The following MOK variants were observed in gnomAD, a reference collection of about 807,000 sequenced individuals.
The protein encoded by MOK is MOK protein kinase, also known as MAPK/MAK/MRK overlapping kinase.
Under a neutral mutation model 54.2 loss-of-function variants are expected in MOK, and 59 were observed. That is an observed-to-expected ratio of 1.09 (90% confidence interval 0.88 to 1.35). The LOEUF is 1.35. Ranked by LOEUF, MOK falls within the 40% of genes most tolerant of loss-of-function variation. The pLI is 0.00. For synonymous variants in MOK, 210 were observed against 202.7 expected, an observed-to-expected ratio of 1.04 and a Z score of -0.31; for missense variants, 517 against 526.2, an observed-to-expected ratio of 0.98 and a Z score of 0.17.
At chr14:102,258,097 G>A (rs1176276327) in intron 4 of MOK, among the ~76,000 whole-genome samples, 1 of 152,004 alleles carries the variant, frequency 6.6e-6, no homozygotes, top group Admixed American at 6.6e-5. Flanking sequence ...AAAAATTCTG[G>A]TCTGCAATAT....
At chr14:102,216,923 ACT>A in the MOK span, among the ~76,000 whole-genome samples, 18 of 151,996 alleles carry the variant, frequency 1.2e-4, no homozygotes, top group African/African-American at 3.9e-4. Context: ...ACAGAGCGAG[ACT>A]CTGTCTTAAA....
At chr14:102,290,523 C>A (rs944911513) in intron 1 of MOK, among the ~76,000 whole-genome samples, 1 of 151,986 alleles carries the variant, frequency 6.6e-6, no homozygotes, top group African/African-American at 2.4e-5. Context: ...ATTAACCATT[C>A]AATTTGTGTA....
chr14:102,298,655 T>C (rs1038209767), intron 1 of MOK, among the ~76,000 whole-genome samples: 4 of 152,190 alleles, frequency 2.6e-5, no homozygotes, highest in South Asian at 2.1e-4. Flanking sequence ...ATCAGCAGGA[T>C]GTGGGTGGTG....
chr14:102,302,231 CCTGA>C (rs1323568458), intron 1 of MOK, among the ~76,000 whole-genome samples: 2 of 149,200 alleles, frequency 1.3e-5, no homozygotes, highest in Admixed American at 6.8e-5. Context: ...TGCCACCACG[CCTGA>C]CTAATTTTTG....
chr14:102,258,182 T>TC (rs975518102), intron 4 of MOK, among the ~76,000 whole-genome samples: 3 of 152,108 alleles, frequency 2.0e-5, no homozygotes, highest in African/African-American at 7.2e-5. Flanking sequence ...AAACCACCTC[T>TC]CCCTTGCTTT....
Position 102,232,757 on chromosome 14 carries a change from C to G in MOK, c.693-49G>C. On this transcript the variant is annotated intron_variant, in intron 8 of 11. Transcript: ENST00000361847. The surrounding 1 kb of genome is among the most constrained non-coding windows in gnomAD (Gnocchi z 5.1). ...TAAATGGTCATGCTGTCACTGAGCG[C>G]ACCGGTGGTCCACTGTCACAACTAA... 6.5e-7 allele frequency: 1 copy of G among 1,536,646 alleles called. No homozygotes were observed. The highest frequency in any genetic ancestry group is 8.9e-7 in the Non-Finnish European group (1 of 1,122,572).
Position 102,304,993 on chromosome 14 carries a change from C to A in MOK, c.-25G>T. ...TCTTGGATGCGGAAGCCGGTGACAA[C>A]CCCTTGCCGACACTGGACGGAAAAG... On this transcript the variant is annotated 5_prime_UTR_variant, in exon 1 of 12. Transcript: ENST00000361847. 1 of 1,608,942 alleles carries A rather than the reference C, an allele frequency of 6.2e-7. No individual in the cohort carries two copies. Among genetic ancestry groups the A allele is most frequent in the Non-Finnish European group, 8.5e-7 (1 of 1,177,882 alleles).
At chr14:102,256,213 C>T (rs1195176499) in intron 4 of MOK, among the ~76,000 whole-genome samples, 1 of 152,004 alleles carries the variant, frequency 6.6e-6, no homozygotes, top group Non-Finnish European at 1.5e-5. Flanking sequence ...CCTCCCACCT[C>T]AGCCTCCTGA....
At chr14:102,286,212 T>C (rs1256668928) in intron 1 of MOK, among the ~76,000 whole-genome samples, 1 of 135,396 alleles carries the variant, frequency 7.4e-6, no homozygotes, top group Non-Finnish European at 1.5e-5. Context: ...GGCAGGAGAA[T>C]GGCGTGAACC....
Position 102,235,918 on chromosome 14 carries a change from C to T in MOK, c.591-2129G>A, listed in dbSNP as rs189566548. On this transcript the variant is annotated intron_variant, in intron 7 of 11. Transcript: ENST00000361847. This position sits in a 1 kb window ranked among gnomAD's most constrained non-coding sequence, Gnocchi z 4.4. The stretch of plus-strand genomic sequence containing the variant: ...AGCCCAAAGAGATCGTGCTAAATAC[C>T]AGCTTCTAGCAGCGGCTGTCCATCA... 1.2e-4 allele frequency among the ~76,000 whole-genome samples: 19 copies of T among 152,240 alleles called. No individual in the cohort carries two copies. Among genetic ancestry groups the T allele is most frequent in the Middle Eastern group, 3.4e-3 (1 of 294 alleles).
At chr14:102,289,992 A>G (rs2070574200) in intron 1 of MOK, among the ~76,000 whole-genome samples, 1 of 152,094 alleles carries the variant, frequency 6.6e-6, no homozygotes, top group Non-Finnish European at 1.5e-5. Flanking sequence ...GGTTAGAACG[A>G]GACATCCTCT....
intron 4 of MOK, 132 bp downstream of exon 4, chr14:102,263,414 A>G (rs1392841984): frequency 2.0e-6 from 1 of 499,586 alleles, no homozygotes; most frequent in Admixed American, 4.4e-5. Context: ...TGGTGAATGA[A>G]GTGACCCTGT....
chr14:102,239,389 C>G (rs558440884), intron 7 of MOK, among the ~76,000 whole-genome samples: 1 of 152,224 alleles, frequency 6.6e-6, no homozygotes, highest in African/African-American at 2.4e-5. Context: ...TCTTACAAAA[C>G]AGGCCTCCTT....
chr14:102,295,966 C>T (rs781305960), intron 1 of MOK, among the ~76,000 whole-genome samples: 12 of 152,114 alleles, frequency 7.9e-5, no homozygotes, highest in Non-Finnish European at 1.5e-4. Flanking sequence ...CAACACCTGG[C>T]TAGGCATAGT....
At chr14:102,278,862 G>A (rs2069131121) in intron 2 of MOK, among the ~76,000 whole-genome samples, 1 of 152,196 alleles carries the variant, frequency 6.6e-6, no homozygotes, top group Admixed American at 6.5e-5. Flanking sequence ...TTCAAGCTCT[G>A]CTAACTTGTA....
At chr14:102,288,233 G>A (rs190438208) in intron 1 of MOK, among the ~76,000 whole-genome samples, 2 of 152,192 alleles carry the variant, frequency 1.3e-5, no homozygotes, top group Non-Finnish European at 2.9e-5. Context: ...ACCTGTAAGT[G>A]AATGTTCACA....
the MOK span, chr14:102,214,908 C>G: frequency 1.0e-6 from 1 of 984,728 alleles, no homozygotes; most frequent in East Asian, 1.1e-4. Context: ...GTCACTGTCA[C>G]AGCTAACAAG....
At chr14:102,292,874 C>T (rs2070923103) in intron 1 of MOK, among the ~76,000 whole-genome samples, 1 of 152,152 alleles carries the variant, frequency 6.6e-6, no homozygotes, top group Non-Finnish European at 1.5e-5. Flanking sequence ...TAGCTCATGC[C>T]TGTAATCCCA....
intron 3 of MOK, 63 bp from the exon 4 acceptor site, chr14:102,263,679 T>C (rs2067660729): frequency 8.9e-7 from 1 of 1,126,702 alleles, no homozygotes; most frequent in African/African-American, 1.6e-5. Context: ...TATAATCCAA[T>C]ATTTAATTCA....
Sources: gnomAD v4.1 joint callset for allele counts (sites outside exome capture counted in the v4.1 genomes callset) on GRCh38, gnomAD v4.1.1 for gene constraint, Gnocchi (gnomAD v3.1) non-coding constraint, MANE v1.5 for transcripts, NCBI Gene and HGNC (gene_info 2026-07-23, HGNC 2026-07-21) for gene names.